Variants in NRXN3 observed in about 807,000 individuals in gnomAD.
NRXN3 encodes the protein neurexin III.
A neutral mutation model predicts 137.6 loss-of-function variants in NRXN3; 32 were observed. That is an observed-to-expected ratio of 0.23 (90% CI 0.18 to 0.31). The LOEUF (loss-of-function observed/expected upper bound fraction) is 0.31, where lower values mean the gene tolerates loss of function less well. NRXN3 is among the 10% of genes least tolerant of loss of function. NRXN3 has a pLI of 1.00. For synonymous variants in NRXN3, 798 were observed against 784.5 expected (o/e 1.02, Z -0.29); for missense variants, 1,574 against 2,062.5 (o/e 0.76, Z 4.59).
intron 15 of NRXN3, among the ~76,000 whole-genome samples, chr14:79,158,317 G>A (rs1283744793): frequency 6.6e-6 from 1 of 151,734 alleles, no homozygotes; most frequent in Non-Finnish European, 1.5e-5. Context: ...TTACTTTGAA[G>A]TACCATTCCT....
chr14:79,751,197 C>T, intron 19 of NRXN3, among the ~76,000 whole-genome samples: 1 of 152,054 alleles, frequency 6.6e-6, no homozygotes, highest in East Asian at 1.9e-4. Flanking sequence ...TTCTTCCTAC[C>T]CATGAGCATG....
chr14:79,334,338 G>T (rs902341800), intron 15 of NRXN3, among the ~76,000 whole-genome samples: 2 of 152,194 alleles, frequency 1.3e-5, no homozygotes, highest in Non-Finnish European at 2.9e-5. Flanking sequence ...TTTCTTTGTG[G>T]CAGTGACATT....
intron 15 of NRXN3, among the ~76,000 whole-genome samples, chr14:79,114,997 T>G (rs899643031): frequency 6.6e-6 from 1 of 152,050 alleles, no homozygotes; most frequent in Non-Finnish European, 1.5e-5. Flanking sequence ...CTGATAAATA[T>G]AAGCTTAATG....
intron 4 of NRXN3, among the ~76,000 whole-genome samples, chr14:78,564,937 C>T (rs191657630): frequency 9.2e-5 from 14 of 152,300 alleles, no homozygotes; most frequent in South Asian, 4.1e-4. Context: ...ACCTCCTCAG[C>T]GCACTCAGTG....
intron 15 of NRXN3, among the ~76,000 whole-genome samples, chr14:79,367,693 C>T (rs955104301): frequency 1.3e-5 from 2 of 152,160 alleles, no homozygotes; most frequent in Non-Finnish European, 2.9e-5. Context: ...CGTAGCCTAG[C>T]TTACACACTT....
chr14:79,655,419 C>A (rs1237304139), intron 16 of NRXN3, among the ~76,000 whole-genome samples: 1 of 152,174 alleles, frequency 6.6e-6, no homozygotes. Flanking sequence ...TGCTGGAACA[C>A]AATTTTAGAT....
At chr14:79,418,679 A>G (rs1031197446) in intron 15 of NRXN3, among the ~76,000 whole-genome samples, 4 of 152,220 alleles carry the variant, frequency 2.6e-5, no homozygotes, top group Non-Finnish European at 4.4e-5. Context: ...ATCAGAGCCT[A>G]TACTCTTAAG....
At chr14:79,461,724 C>T (rs935925989) in intron 15 of NRXN3, among the ~76,000 whole-genome samples, 3 of 152,166 alleles carry the variant, frequency 2.0e-5, no homozygotes, top group African/African-American at 7.2e-5. Flanking sequence ...ACTACATCTA[C>T]TGGCAGGATA....
Position 79,071,479 on chromosome 14 carries a change from A to G in NRXN3, c.3262+83338A>G, listed in dbSNP as rs779205905. Among the ~76,000 whole-genome samples the G allele has an allele frequency of 2.4e-4, 36 of 152,208 alleles. 1 individual carries two copies. The highest frequency in any genetic ancestry group is 5.9e-4 in the Admixed American group (9 of 15,282). ...ACACATTTTTTAAATACATAAATAA[A>G]TATCACCCTTTTGTCATGTATCTTC... On this transcript the variant is annotated intron_variant, in intron 15 of 20. Transcript: ENST00000335750.
chr14:78,583,812 G>C (rs1050582800), intron 4 of NRXN3, among the ~76,000 whole-genome samples: 2 of 152,132 alleles, frequency 1.3e-5, no homozygotes, highest in African/African-American at 4.8e-5. Flanking sequence ...CTCTAGGACA[G>C]TATTTTCTGT....
intron 15 of NRXN3, among the ~76,000 whole-genome samples, chr14:79,457,068 C>A (rs2096268011): frequency 6.6e-6 from 1 of 150,524 alleles, no homozygotes; most frequent in African/African-American, 2.4e-5. Context: ...AAAAAAAGTT[C>A]ATTGAAGTTC....
intron 4 of NRXN3, among the ~76,000 whole-genome samples, chr14:78,408,804 AC>A (rs776483097): frequency 2.6e-5 from 4 of 152,240 alleles, no homozygotes; most frequent in Non-Finnish European, 5.9e-5. Flanking sequence ...ATGAAGAAAC[AC>A]TTGAAGGCAA....
intron 19 of NRXN3, among the ~76,000 whole-genome samples, chr14:79,702,775 G>T (rs889181757): frequency 2.6e-5 from 4 of 152,018 alleles, no homozygotes; most frequent in Non-Finnish European, 5.9e-5. Flanking sequence ...TCCAATATTG[G>T]TGGGTAATTA....
intron 8 of NRXN3, 57 bp from the exon 9 acceptor site, chr14:78,803,563 T>TA (rs1766287754): frequency 6.6e-7 from 1 of 1,523,626 alleles, no homozygotes; most frequent in East Asian, 2.3e-5. Flanking sequence ...AGCAAAGGGG[T>TA]ATTTGGCAAC....
At chr14:79,315,207 A>T (rs2088291418) in intron 15 of NRXN3, among the ~76,000 whole-genome samples, 1 of 152,202 alleles carries the variant, frequency 6.6e-6, no homozygotes, top group Non-Finnish European at 1.5e-5. Context: ...GTCCATTAAG[A>T]CTTAAAACAT....
intron 2 of NRXN3, among the ~76,000 whole-genome samples, chr14:78,274,465 A>G (rs747588743): frequency 1.3e-5 from 2 of 152,204 alleles, no homozygotes; most frequent in Non-Finnish European, 2.9e-5. Context: ...TGCCCCCATG[A>G]TTAAATTATC....
At chr14:79,408,857 C>G (rs4903855) in intron 15 of NRXN3, among the ~76,000 whole-genome samples, 1 of 151,930 alleles carries the variant, frequency 6.6e-6, no homozygotes, top group African/African-American at 2.4e-5. Context: ...ACTTATAAGT[C>G]AAACTTTCTT....
chr14:79,522,806 G>A lies in NRXN3; in HGVS notation c.3444+55404G>A, dbSNP rs372881691. Among the ~76,000 whole-genome samples the A allele has an allele frequency of 4.6e-5, 7 of 152,158 alleles. No homozygotes were observed. The East Asian group carries it at 5.8e-4, about 13-fold the overall frequency. On this transcript the variant is annotated intron_variant, in intron 16 of 20. Coordinates refer to ENST00000335750, the MANE Select transcript of NRXN3 (RefSeq NM_001330195.2). The stretch of plus-strand genomic sequence containing the variant: ...GGAGCTGCCATAGTTAACTAGTTTC[G>A]GAGCACAACTCTTTATCAAACACTA...
At chr14:79,545,752 T>A (rs1429344000) in intron 16 of NRXN3, among the ~76,000 whole-genome samples, 1 of 152,072 alleles carries the variant, frequency 6.6e-6, no homozygotes, top group East Asian at 1.9e-4. Context: ...TCCACACTAC[T>A]AAACTACCTT....
Sources: gnomAD v4.1 joint callset for allele counts (sites outside exome capture counted in the v4.1 genomes callset) on GRCh38, gnomAD v4.1.1 for gene constraint, MANE v1.5 for transcripts, NCBI Gene and HGNC (gene_info 2026-07-23, HGNC 2026-07-21) for gene names.